Variants in CFAP299 observed in about 807,000 individuals in gnomAD.
CFAP299 encodes cilia and flagella associated protein 299, also known as cilia- and flagella-associated protein 299.
CFAP299 carries 21 observed loss-of-function variants against 27.0 expected under a neutral mutation model. The ratio of observed to expected loss-of-function variants is 0.78; its 90% CI spans 0.55 to 1.12. The LOEUF (loss-of-function observed/expected upper bound fraction) is 1.12. Among genes scored for constraint, CFAP299 ranks in the 50% most tolerant of loss-of-function variants. CFAP299 has a pLI of 0.00. For missense variants in CFAP299, 310 were observed against 276.6 expected, an observed-to-expected ratio of 1.12 and a Z score of -0.86; for synonymous variants, 104 against 98.1, an observed-to-expected ratio of 1.06 and a Z score of -0.36.
intron 3 of CFAP299, among the ~76,000 whole-genome samples, chr4:80,646,988 AGTGT>A (rs1187314742): frequency 2.9e-4 from 9 of 31,036 alleles, no homozygotes; most frequent in Non-Finnish European, 8.2e-4. Flanking sequence ...AGAGAGAGAG[AGTGT>A]GTGTGTGTGT....
intron 3 of CFAP299, among the ~76,000 whole-genome samples, chr4:80,691,678 T>G (rs1441372040): frequency 6.6e-6 from 1 of 150,770 alleles, no homozygotes; most frequent in South Asian, 2.1e-4. Context: ...AACATAGTGT[T>G]GGAAGTTCTG....
At chr4:80,849,101 A>C (rs1422640885) in intron 3 of CFAP299, among the ~76,000 whole-genome samples, 3 of 152,210 alleles carry the variant, frequency 2.0e-5, no homozygotes, top group Non-Finnish European at 4.4e-5. Flanking sequence ...ACACAATATA[A>C]AACACAAACA....
intron 3 of CFAP299, among the ~76,000 whole-genome samples, chr4:80,587,411 T>C (rs1050240577): frequency 6.6e-6 from 1 of 152,110 alleles, no homozygotes; most frequent in East Asian, 1.9e-4. Flanking sequence ...AGTCATCTTA[T>C]CTGAGTTTGA....
intron 2 of CFAP299, among the ~76,000 whole-genome samples, chr4:80,567,724 A>G: frequency 2.2e-5 from 1 of 45,200 alleles, no homozygotes; most frequent in African/African-American, 8.6e-5. Context: ...ATGCTATTCT[A>G]ATGTATTTAT....
At chr4:80,714,459 G>T (rs1560713454) in intron 3 of CFAP299, among the ~76,000 whole-genome samples, 1 of 152,104 alleles carries the variant, frequency 6.6e-6, no homozygotes, top group Non-Finnish European at 1.5e-5. Flanking sequence ...AACAGTTACG[G>T]TTCTCAGTGC....
intron 1 of CFAP299, among the ~76,000 whole-genome samples, chr4:80,340,112 C>A (rs557867439): frequency 6.6e-6 from 1 of 152,166 alleles, no homozygotes; most frequent in African/African-American, 2.4e-5. Context: ...GAATTTGGCA[C>A]CTTCAACTGA....
intron 3 of CFAP299, among the ~76,000 whole-genome samples, chr4:80,689,159 A>T (rs897161823): frequency 6.6e-6 from 1 of 152,192 alleles, no homozygotes; most frequent in Non-Finnish European, 1.5e-5. Context: ...CTAGCAAGGC[A>T]GGCCAACATT....
chr4:80,670,891 C>T (rs554060879), intron 3 of CFAP299, among the ~76,000 whole-genome samples: 1 of 152,160 alleles, frequency 6.6e-6, no homozygotes, highest in East Asian at 1.9e-4. Flanking sequence ...GGATATTAGC[C>T]CTTTGTCAGA....
intron 2 of CFAP299, among the ~76,000 whole-genome samples, chr4:80,389,763 T>C (rs1183491308): frequency 6.6e-6 from 1 of 152,180 alleles, no homozygotes; most frequent in Non-Finnish European, 1.5e-5. Flanking sequence ...CATTCAAATA[T>C]TCAGACAGTA....
At chr4:80,359,992 G>A (rs1723462450) in intron 1 of CFAP299, among the ~76,000 whole-genome samples, 1 of 152,168 alleles carries the variant, frequency 6.6e-6, no homozygotes, top group African/African-American at 2.4e-5. Context: ...ACCTTGGAAT[G>A]GGTTTTATTT....
chr4:80,545,646 A>C (rs576396274), intron 2 of CFAP299, among the ~76,000 whole-genome samples: 4 of 152,340 alleles, frequency 2.6e-5, no homozygotes, highest in African/African-American at 9.6e-5. Context: ...AGATGGATTC[A>C]GGCAAATTCT....
chr4:80,505,263 G>T (rs190389022), intron 2 of CFAP299, among the ~76,000 whole-genome samples: 31 of 152,080 alleles, frequency 2.0e-4, no homozygotes, highest in African/African-American at 7.5e-4. Context: ...ATATTGAACT[G>T]TACACTAAAT....
intron 3 of CFAP299, among the ~76,000 whole-genome samples, chr4:80,764,427 G>A (rs546615766): frequency 1.3e-5 from 2 of 151,892 alleles, no homozygotes; most frequent in East Asian, 3.9e-4. Flanking sequence ...AATGGCAATC[G>A]TTAAAGTCTG....
chr4:80,629,322 G>T (rs543342226), intron 3 of CFAP299, among the ~76,000 whole-genome samples: 11 of 152,104 alleles, frequency 7.2e-5, no homozygotes, highest in South Asian at 4.1e-4. Flanking sequence ...TGAGAGTCAG[G>T]GGGGAGAGAT....
chr4:80,822,885 A>G (rs1729780891), intron 3 of CFAP299, among the ~76,000 whole-genome samples: 1 of 152,214 alleles, frequency 6.6e-6, no homozygotes, highest in Non-Finnish European at 1.5e-5. Context: ...TGATTCTAGC[A>G]TATTGAAATA....
At chr4:80,845,026 G>A (rs867055803) in intron 3 of CFAP299, among the ~76,000 whole-genome samples, 1 of 152,118 alleles carries the variant, frequency 6.6e-6, no homozygotes, top group Non-Finnish European at 1.5e-5. Flanking sequence ...TTTCCCCATT[G>A]CTTGTTTTTC....
chr4:80,602,448 C>A (rs763840494), intron 3 of CFAP299, among the ~76,000 whole-genome samples: 1 of 151,916 alleles, frequency 6.6e-6, no homozygotes, highest in Admixed American at 6.6e-5. Flanking sequence ...TAATGGAAAA[C>A]GATGTAATTT....
chr4:80,387,338 C>A, intron 2 of CFAP299: 3 of 1,545,092 alleles, frequency 1.9e-6, no homozygotes, highest in Non-Finnish European at 2.7e-6. Context: ...TTTGACCACA[C>A]ATTTGTACAC....
At position 80,502,694 on chromosome 4, in the gene CFAP299, A is replaced by G. The variant is rs1731804104; in HGVS notation, c.243-80399A>G. 2.6e-5 allele frequency among the ~76,000 whole-genome samples: 4 copies of G among 152,080 alleles called. No individual in the cohort carries two copies. In the South Asian group the frequency reaches 8.3e-4, roughly 32 times the overall value. On this transcript the variant is annotated intron_variant, in intron 2 of 5. Coordinates refer to ENST00000358105, the MANE Select transcript of CFAP299 (RefSeq NM_152770.3). ...TTCTTTTTTTGGCTATTTCCCCTGGATCTGCTTCTGCCTAAACTCACTGTG... is the reference window on the plus strand; with the variant it reads ...TTCTTTTTTTGGCTATTTCCCCTGGGTCTGCTTCTGCCTAAACTCACTGTG...
Sources: gnomAD v4.1 joint callset for allele counts (sites outside exome capture counted in the v4.1 genomes callset) on GRCh38, gnomAD v4.1.1 for gene constraint, MANE v1.5 for transcripts, NCBI Gene and HGNC (gene_info 2026-07-23, HGNC 2026-07-21) for gene names.